RTN3: variants seen among roughly 807,000 people sequenced by gnomAD.
The protein encoded by RTN3 is reticulon-3.
RTN3 carries 49 observed loss-of-function variants against 77.8 expected under a neutral mutation model. The observed-to-expected ratio is 0.63, with a 90% CI of 0.50 to 0.80. The LOEUF (loss-of-function observed/expected upper bound fraction) is 0.80. Among genes scored for constraint, RTN3 ranks in the 30% least tolerant of loss-of-function variants. RTN3 has a pLI of 0.00. For missense variants in RTN3, 1,236 were observed against 1,211.9 expected, an observed-to-expected ratio of 1.02 and a Z score of -0.29; for synonymous variants, 464 against 446.9, an observed-to-expected ratio of 1.04 and a Z score of -0.48.
chr11:63,752,498 T>A lies in RTN3; in HGVS notation c.2739-9T>A, dbSNP rs1483551070. The A allele has an allele frequency of 1.2e-6, 2 of 1,611,244 alleles. No homozygotes were observed. The highest frequency in any genetic ancestry group is 1.7e-6 in the Non-Finnish European group (2 of 1,177,852). On this transcript the variant is annotated splice_polypyrimidine_tract_variant and intron_variant, in intron 4 of 8. Coordinates refer to ENST00000377819, the MANE Select transcript of RTN3 (RefSeq NM_001265589.2). Reference sequence around the variant, plus strand: ...TCAAATGTATGACTGTTATTTCTTCTTCTGGAAGAGCCTACCTGGACGTAG... The same window carrying A: ...TCAAATGTATGACTGTTATTTCTTCATCTGGAAGAGCCTACCTGGACGTAG...
At position 63,719,747 on chromosome 11, in the gene RTN3, T is replaced by G; in HGVS notation, c.1245T>G (p.Ala415=). The change falls in exon 3 of 9, where the codon GCT becomes GCG. Residue 415 remains alanine (A), a synonymous_variant. Transcript: ENST00000377819. ...AAGCATCTCTCCAGCAAGAAAATGC[T>G]ATTACTGGAAAACCTGTACCTGACT... ...WAEASLQQEN[A]ITGKPVPDSL... The G allele has an allele frequency of 1.2e-6, 2 of 1,614,156 alleles. No homozygotes were observed. Among genetic ancestry groups the G allele is most frequent in the East Asian group, 4.5e-5 (2 of 44,890 alleles).
At chr11:63,729,312 A>C (rs1483303013) in intron 3 of RTN3, among the ~76,000 whole-genome samples, 1 of 152,054 alleles carries the variant, frequency 6.6e-6, no homozygotes, top group Non-Finnish European at 1.5e-5. Context: ...AATTTCTTAA[A>C]ATATATAGGA....
intron 3 of RTN3, among the ~76,000 whole-genome samples, chr11:63,733,794 G>GGC (rs1369333103): frequency 2.0e-5 from 3 of 151,868 alleles, no homozygotes; most frequent in Non-Finnish European, 2.9e-5. Flanking sequence ...GGGAGGCTGA[G>GGC]GCAGGAGGAT....
chr11:63,748,910 C>T (rs913936134), intron 3 of RTN3, among the ~76,000 whole-genome samples: 1 of 151,956 alleles, frequency 6.6e-6, no homozygotes, highest in South Asian at 2.1e-4. Context: ...TCAGGTGATC[C>T]GCCCGCCTTG....
intron 2 of RTN3, 41 bp from the exon 3 acceptor site, chr11:63,718,661 T>C (rs1481899293): frequency 3.4e-6 from 5 of 1,483,062 alleles, no homozygotes; most frequent in Non-Finnish European, 4.5e-6. Flanking sequence ...TGTGTAATTG[T>C]ACCTGGTAAA....
At position 63,693,981 on chromosome 11, in the gene RTN3, G is replaced by A. The variant is rs184241114; in HGVS notation, c.143-10870G>A. Among the ~76,000 whole-genome samples the A allele has an allele frequency of 2.0e-4, 30 of 152,156 alleles. No individual in the cohort carries two copies. In the East Asian group the frequency reaches 5.8e-3, roughly 29 times the overall value. ...TACAAAAATTAAAAATAATCTGGGT[G>A]TGGTGGTATATGCCTGTAGTCCCAG... is the stretch of plus-strand genomic sequence containing the variant. On this transcript the variant is annotated intron_variant, in intron 1 of 8. Transcript: ENST00000377819.
chr11:63,731,225 C>T (rs774677253), intron 3 of RTN3, among the ~76,000 whole-genome samples: 2 of 151,924 alleles, frequency 1.3e-5, no homozygotes, highest in African/African-American at 2.4e-5. Flanking sequence ...TGATCACAGG[C>T]GCGTACCACC....
rs569657 is a variant in RTN3, at chr11:63,738,109, A to G, written c.2531-11882A>G. On this transcript the variant is annotated intron_variant, in intron 3 of 8. Coordinates refer to ENST00000377819, the MANE Select transcript of RTN3 (RefSeq NM_001265589.2). The stretch of plus-strand genomic sequence containing the variant: ...CTATTAATGTGAAAGTAACCAAAGA[A>G]AAGAAATAATCTGTGTAAAAATGTC... 6.6e-3 allele frequency among the ~76,000 whole-genome samples: 1,006 copies of G among 152,348 alleles called. 11 individuals are homozygous for G. Among genetic ancestry groups the G allele is most frequent in the African/African-American group, 0.023 (952 of 41,578 alleles).
intron 2 of RTN3, among the ~76,000 whole-genome samples, chr11:63,715,320 T>C (rs1326419700): frequency 1.3e-5 from 2 of 152,224 alleles, no homozygotes; most frequent in Admixed American, 1.3e-4. Flanking sequence ...CTTTCATCTG[T>C]AAGATGACAG....
At chr11:63,747,562 A>G (rs187447393) in intron 3 of RTN3, among the ~76,000 whole-genome samples, 84 of 152,244 alleles carry the variant, frequency 5.5e-4, no homozygotes, top group Non-Finnish European at 1.2e-4. Flanking sequence ...ATTACTTCTT[A>G]TATACAATCA....
intron 3 of RTN3, among the ~76,000 whole-genome samples, chr11:63,748,577 T>C (rs985264089): frequency 2.0e-5 from 3 of 150,872 alleles, no homozygotes; most frequent in Admixed American, 6.6e-5. Context: ...CTTGAGCTCC[T>C]GGCCTCAAGT....
intron 1 of RTN3, among the ~76,000 whole-genome samples, chr11:63,690,445 A>T (rs1351837984): frequency 6.6e-6 from 1 of 152,196 alleles, no homozygotes; most frequent in Non-Finnish European, 1.5e-5. Flanking sequence ...AATATAGATC[A>T]TTCCTCTAGA....
chr11:63,748,580 C>T (rs1395963925), intron 3 of RTN3, among the ~76,000 whole-genome samples: 1 of 150,948 alleles, frequency 6.6e-6, no homozygotes, highest in African/African-American at 2.4e-5. Context: ...GAGCTCCTGG[C>T]CTCAAGTGAT....
intron 3 of RTN3, among the ~76,000 whole-genome samples, chr11:63,748,997 C>T (rs2013959142): frequency 6.6e-6 from 1 of 152,016 alleles, no homozygotes; most frequent in Admixed American, 6.5e-5. Context: ...AGTACTGCAG[C>T]TTGGCCAGGC....
chr11:63,712,435 C>G (rs530753349), intron 2 of RTN3, among the ~76,000 whole-genome samples: 5 of 151,348 alleles, frequency 3.3e-5, no homozygotes, highest in Non-Finnish European at 7.4e-5. Flanking sequence ...TTGGATTAAG[C>G]AGTTTACTCA....
intron 2 of RTN3, among the ~76,000 whole-genome samples, chr11:63,707,816 C>T (rs1222862365): frequency 6.6e-6 from 1 of 152,006 alleles, no homozygotes; most frequent in Non-Finnish European, 1.5e-5. Flanking sequence ...CCAGCTTGGG[C>T]GAAAGAGCAA....
At chr11:63,741,402 A>G (rs1427223514) in intron 3 of RTN3, among the ~76,000 whole-genome samples, 1 of 151,218 alleles carries the variant, frequency 6.6e-6, no homozygotes, top group East Asian at 1.9e-4. Context: ...GGGTTTCACC[A>G]TGTTGGCCAG....
At chr11:63,734,822 G>A (rs1435654795) in intron 3 of RTN3, among the ~76,000 whole-genome samples, 1 of 149,254 alleles carries the variant, frequency 6.7e-6, no homozygotes, top group South Asian at 2.1e-4. Context: ...GGCAATAAAT[G>A]GAAATAGAAG....
intron 7 of RTN3, among the ~76,000 whole-genome samples, chr11:63,755,651 C>CAA (rs776039864): frequency 7.0e-4 from 12 of 17,050 alleles, no homozygotes; most frequent in Admixed American, 1.9e-3. Flanking sequence ...AATTCCATCT[C>CAA]AAAAAAAAAA....
Sources: allele counts gnomAD v4.1 joint callset (sites outside exome capture counted in the v4.1 genomes callset), GRCh38; gene constraint gnomAD v4.1.1; transcripts MANE v1.5; gene names NCBI Gene and HGNC (gene_info 2026-07-23, HGNC 2026-07-21).